ATP8A1: variants seen among roughly 807,000 people sequenced by gnomAD.
The protein encoded by ATP8A1 is ATPase phospholipid transporting 8A1.
In ATP8A1, 90 loss-of-function variants were observed where a neutral mutation model predicts 177.7. That is an observed-to-expected ratio of 0.51 (90% CI 0.43 to 0.60). ATP8A1 has a LOEUF of 0.60. ATP8A1 is among the 20% of genes least tolerant of loss of function. The pLI, the probability that ATP8A1 is intolerant of heterozygous loss-of-function variation, is 0.00. For missense variants in ATP8A1, 1,072 were observed against 1,392.8 expected (o/e 0.77, Z 3.67); for synonymous variants, 493 against 485.9 (o/e 1.01, Z -0.19).
chr4:42,631,202 G>A (rs1738693743), intron 1 of ATP8A1, among the ~76,000 whole-genome samples: 1 of 152,144 alleles, frequency 6.6e-6, no homozygotes, highest in South Asian at 2.1e-4. Flanking sequence ...TACATGGTAA[G>A]TTACCTATTA....
intron 1 of ATP8A1, among the ~76,000 whole-genome samples, chr4:42,654,295 A>C (rs1367818109): frequency 6.6e-6 from 1 of 152,122 alleles, no homozygotes; most frequent in African/African-American, 2.4e-5. Context: ...CTCTTAGACT[A>C]TTTATTCCCT....
At chr4:42,645,276 A>C (rs1191341839) in intron 1 of ATP8A1, among the ~76,000 whole-genome samples, 1 of 152,194 alleles carries the variant, frequency 6.6e-6, no homozygotes, top group Non-Finnish European at 1.5e-5. Flanking sequence ...CCTATTAGCT[A>C]ACTGGATGAT....
rs2153185629 is a variant in ATP8A1 at position 42,472,668 on chromosome 4, TG to T, written c.2325-7593del. Among the ~76,000 whole-genome samples the T allele has an allele frequency of 2.0e-5, 3 of 147,144 alleles. No homozygotes were observed. The South Asian group carries it at 6.4e-4, about 31-fold the overall frequency. On this transcript the variant is annotated intron_variant, in intron 25 of 36. Transcript: ENST00000381668. Reference sequence around the variant, plus strand: ...CTAAGCCAGGAGAATTGCGTGAACCTGGGAGATGGAGGTTGCAGTTGCAGTG... The same window carrying T: ...CTAAGCCAGGAGAATTGCGTGAACCTGGAGATGGAGGTTGCAGTTGCAGTG...
intron 12 of ATP8A1, among the ~76,000 whole-genome samples, chr4:42,577,752 AATAACATGAT>A (rs1273262804): frequency 6.6e-6 from 1 of 152,164 alleles, no homozygotes; most frequent in Admixed American, 6.5e-5. Flanking sequence ...CAGTGTAGAA[AATAACATGAT>A]ATAACATGAT....
chr4:42,442,878 T>G (rs1716783911), intron 33 of ATP8A1, among the ~76,000 whole-genome samples: 1 of 152,214 alleles, frequency 6.6e-6, no homozygotes, highest in Non-Finnish European at 1.5e-5. Context: ...GTTTTCCACA[T>G]TTACTTTTAT....
intron 30 of ATP8A1, among the ~76,000 whole-genome samples, chr4:42,446,912 A>T (rs1273332841): frequency 6.6e-6 from 1 of 152,152 alleles, no homozygotes; most frequent in African/African-American, 2.4e-5. Flanking sequence ...AAAAAATCCA[A>T]CAAATTGTTC....
intron 20 of ATP8A1, among the ~76,000 whole-genome samples, chr4:42,543,587 A>G (rs187232974): frequency 1.3e-5 from 2 of 152,372 alleles, no homozygotes; most frequent in Admixed American, 6.5e-5. Flanking sequence ...GATTCAAACT[A>G]GAGTGAATCA....
chr4:42,613,575 T>A (rs190423752), intron 5 of ATP8A1, among the ~76,000 whole-genome samples: 5 of 152,066 alleles, frequency 3.3e-5, no homozygotes, highest in African/African-American at 1.2e-4. Flanking sequence ...TATTTTTTTT[T>A]ATTGTTGCAT....
chr4:42,517,732 A>C (rs1212028218), intron 22 of ATP8A1, among the ~76,000 whole-genome samples: 4 of 152,248 alleles, frequency 2.6e-5, no homozygotes, highest in African/African-American at 9.6e-5. Context: ...TCTCAGTGTT[A>C]AAATTTTTAG....
chr4:42,572,679 G>A (rs1324241589), intron 14 of ATP8A1, among the ~76,000 whole-genome samples: 1 of 152,122 alleles, frequency 6.6e-6, no homozygotes, highest in Non-Finnish European at 1.5e-5. Context: ...AACTAAAAAG[G>A]AAACAGATTT....
intron 9 of ATP8A1, among the ~76,000 whole-genome samples, chr4:42,583,032 A>T (rs532118151): frequency 6.6e-6 from 1 of 152,372 alleles, no homozygotes; most frequent in South Asian, 2.1e-4. Context: ...AAACAATTCC[A>T]CAAGAAAAGT....
chr4:42,648,295 TG>T (rs1740744629), intron 1 of ATP8A1, among the ~76,000 whole-genome samples: 1 of 151,642 alleles, frequency 6.6e-6, no homozygotes, highest in Admixed American at 6.6e-5. Context: ...GAATATTTTT[TG>T]TTATGTTGCA....
At chr4:42,502,182 A>G (rs1209318945) in intron 24 of ATP8A1, among the ~76,000 whole-genome samples, 1 of 152,168 alleles carries the variant, frequency 6.6e-6, no homozygotes. Context: ...AAAGACAGAC[A>G]TAGTTCCTGC....
intron 35 of ATP8A1, among the ~76,000 whole-genome samples, chr4:42,422,589 G>A (rs957748046): frequency 3.9e-5 from 6 of 152,034 alleles, no homozygotes; most frequent in African/African-American, 1.5e-4. Context: ...CCATTTTATT[G>A]ATGAGGAAAT....
intron 6 of ATP8A1, among the ~76,000 whole-genome samples, chr4:42,599,561 G>C (rs1396383916): frequency 1.3e-5 from 2 of 152,134 alleles, no homozygotes; most frequent in Admixed American, 1.3e-4. Flanking sequence ...AAAATCAACA[G>C]AAATTTAATT....
At chr4:42,509,838 C>T (rs928603946) in intron 22 of ATP8A1, among the ~76,000 whole-genome samples, 6 of 113,558 alleles carry the variant, frequency 5.3e-5, no homozygotes, top group Non-Finnish European at 8.2e-5. Flanking sequence ...GGCAACAGAG[C>T]GAGACAGTCT....
chr4:42,653,088 A>C (rs928336048), intron 1 of ATP8A1, among the ~76,000 whole-genome samples: 7 of 151,778 alleles, frequency 4.6e-5, no homozygotes, highest in African/African-American at 1.7e-4. Context: ...ATTTCCTACT[A>C]TTCTTCCCCT....
chr4:42,478,073 T>C (rs777139471), intron 25 of ATP8A1, among the ~76,000 whole-genome samples: 49 of 151,682 alleles, frequency 3.2e-4, no homozygotes, highest in Non-Finnish European at 5.0e-4. Flanking sequence ...GGTAAAAAAT[T>C]TTTTTGGCGG....
intron 1 of ATP8A1, among the ~76,000 whole-genome samples, chr4:42,651,176 C>T (rs940260372): frequency 1.7e-4 from 26 of 149,134 alleles, no homozygotes; most frequent in African/African-American, 6.4e-4. Flanking sequence ...GTGAGACCTC[C>T]CCAGCCATGT....
Sources: gnomAD v4.1 joint callset for allele counts (sites outside exome capture counted in the v4.1 genomes callset) on GRCh38, gnomAD v4.1.1 for gene constraint, MANE v1.5 for transcripts, NCBI Gene and HGNC (gene_info 2026-07-23, HGNC 2026-07-21) for gene names.